C8orf34: variants seen among roughly 807,000 people sequenced by gnomAD.
C8orf34 encodes uncharacterized protein C8orf34.
C8orf34 carries 65 observed loss-of-function variants against 68.3 expected under a neutral mutation model. The ratio of observed to expected loss-of-function variants is 0.95; its 90% CI spans 0.78 to 1.17. The LOEUF (loss-of-function observed/expected upper bound fraction) is 1.17. Ranked by LOEUF, C8orf34 falls within the 50% of genes most tolerant of loss-of-function variation. The pLI is 0.00. For missense variants in C8orf34, 664 were observed against 655.4 expected, an observed-to-expected ratio of 1.01 and a Z score of -0.14; for synonymous variants, 244 against 241.2, an observed-to-expected ratio of 1.01 and a Z score of -0.11.
In C8orf34 at chr8:68,469,042, A is replaced by G. The variant is rs552793001; in HGVS notation, c.736+222A>G. On this transcript the variant is annotated intron_variant, in intron 4 of 13. Transcript: ENST00000518698. ...AGTAGAAAGAGCTGTAGAACCCCTCATAGCTGTTTGGCTCCAACACTTGTA... is the reference window on the plus strand; with the variant it reads ...AGTAGAAAGAGCTGTAGAACCCCTCGTAGCTGTTTGGCTCCAACACTTGTA... 3.3e-5 allele frequency among the ~76,000 whole-genome samples: 5 copies of G among 152,130 alleles called. No homozygotes were observed. In the East Asian group the frequency reaches 9.7e-4, roughly 29 times the overall value.
chr8:68,642,914 A>G (rs1260057640), intron 8 of C8orf34, among the ~76,000 whole-genome samples: 1 of 152,198 alleles, frequency 6.6e-6, no homozygotes, highest in African/African-American at 2.4e-5. Context: ...AGATCCCTTC[A>G]TGCATGGCTC....
At chr8:68,732,857 G>C (rs1374572142) in intron 10 of C8orf34, among the ~76,000 whole-genome samples, 4 of 152,226 alleles carry the variant, frequency 2.6e-5, no homozygotes, top group Admixed American at 2.6e-4. Flanking sequence ...GAGGTCAGGA[G>C]TTTGCGATCA....
At chr8:68,469,431 C>T (rs116536227) in intron 4 of C8orf34, among the ~76,000 whole-genome samples, 2,579 of 152,010 alleles carry the variant, frequency 0.017, 87 homozygotes, top group African/African-American at 0.058. Flanking sequence ...ATGATTATGC[C>T]GCCTTCCTCT....
At chr8:68,485,560 A>C (rs1343881558) in intron 4 of C8orf34, among the ~76,000 whole-genome samples, 1 of 151,784 alleles carries the variant, frequency 6.6e-6, no homozygotes, top group Non-Finnish European at 1.5e-5. Context: ...AAAAATACAA[A>C]AATTAGCTGG....
chr8:68,489,518 A>G (rs1020351076), intron 5 of C8orf34, among the ~76,000 whole-genome samples: 6 of 152,198 alleles, frequency 3.9e-5, no homozygotes, highest in Non-Finnish European at 8.8e-5. Flanking sequence ...TTTCATATAC[A>G]TTTTATACAC....
At chr8:68,490,100 C>T (rs1161808049) in intron 5 of C8orf34, among the ~76,000 whole-genome samples, 3 of 152,168 alleles carry the variant, frequency 2.0e-5, no homozygotes, top group Non-Finnish European at 4.4e-5. Context: ...TGTCTCACCC[C>T]AGCTGGTCTC....
In C8orf34 at chr8:68,468,699, G is replaced by T. The variant is rs745725860; in HGVS notation, c.615G>T (p.Arg205Ser). Residue 205 changes from arginine (R) to serine (S), a missense_variant, in exon 4 of 14, where the codon AGG becomes AGT. Transcript: ENST00000518698. The stretch of plus-strand genomic sequence containing the variant: ...CATTTTTTTTAAACATAGTGCCAAG[G>T]TCAGTAGAGCATCCAAAGTGGAACT... ...PPSPDSKSLP[R>S]SVEHPKWNWR... The T allele has an allele frequency of 1.2e-6, 2 of 1,612,156 alleles. No individual in the cohort carries two copies. The highest frequency in any genetic ancestry group is 1.7e-6 in the Non-Finnish European group (2 of 1,178,986).
chr8:68,436,797 C>A (rs1810687069), intron 1 of C8orf34, among the ~76,000 whole-genome samples: 1 of 152,202 alleles, frequency 6.6e-6, no homozygotes, highest in African/African-American at 2.4e-5. Flanking sequence ...TTGATTCTCA[C>A]CTTTCCAAAT....
intron 1 of C8orf34, among the ~76,000 whole-genome samples, chr8:68,429,151 C>T (rs1038687863): frequency 6.6e-6 from 1 of 152,042 alleles, no homozygotes; most frequent in East Asian, 1.9e-4. Flanking sequence ...AAAAGGCAAT[C>T]CCCCCATACA....
At chr8:68,592,596 C>CTTTTTTT (rs869214252) in intron 7 of C8orf34, among the ~76,000 whole-genome samples, 21 of 26,516 alleles carry the variant, frequency 7.9e-4, no homozygotes, top group African/African-American at 1.3e-3. Flanking sequence ...TTTATCTCTT[C>CTTTTTTT]TTTTTTTTTT....
chr8:68,395,400 C>A (rs1265679761), intron 1 of C8orf34, among the ~76,000 whole-genome samples: 1 of 150,978 alleles, frequency 6.6e-6, no homozygotes, highest in Non-Finnish European at 1.5e-5. Flanking sequence ...CACACACAAA[C>A]ACACACACAT....
At chr8:68,610,865 T>TTGTTTTTG (rs1554584904) in intron 7 of C8orf34, among the ~76,000 whole-genome samples, 1 of 129,084 alleles carries the variant, frequency 7.7e-6, no homozygotes, top group African/African-American at 3.4e-5. Flanking sequence ...TCTTTGGTTT[T>TTGTTTTTG]TTTTTTTTTT....
At chr8:68,527,555 G>A (rs973301757) in intron 6 of C8orf34, among the ~76,000 whole-genome samples, 1 of 152,172 alleles carries the variant, frequency 6.6e-6, no homozygotes, top group Non-Finnish European at 1.5e-5. Context: ...CTGGGTGACA[G>A]AGCAAGACTC....
chr8:68,682,135 G>A (rs1403449001), intron 8 of C8orf34, among the ~76,000 whole-genome samples: 1 of 152,092 alleles, frequency 6.6e-6, no homozygotes, highest in Non-Finnish European at 1.5e-5. Context: ...GCTGTAGTCT[G>A]TAGTACTGTA....
intron 1 of C8orf34, among the ~76,000 whole-genome samples, chr8:68,408,484 A>G (rs1250507308): frequency 6.6e-6 from 1 of 152,034 alleles, no homozygotes; most frequent in Non-Finnish European, 1.5e-5. Flanking sequence ...GCCACTGAGG[A>G]TCCCAATTTT....
chr8:68,375,841 G>A (rs1038976208), intron 1 of C8orf34, among the ~76,000 whole-genome samples: 22 of 152,162 alleles, frequency 1.4e-4, no homozygotes, highest in African/African-American at 4.8e-4. Context: ...ACTTGAAGAC[G>A]TAGATGCATA....
chr8:68,744,994 G>T (rs1822437693), intron 10 of C8orf34, among the ~76,000 whole-genome samples: 1 of 152,062 alleles, frequency 6.6e-6, no homozygotes, highest in South Asian at 2.1e-4. Context: ...GAAAGGTCGG[G>T]TTACCCTGAA....
intron 8 of C8orf34, among the ~76,000 whole-genome samples, chr8:68,671,706 T>A (rs1274215798): frequency 6.6e-6 from 1 of 152,212 alleles, no homozygotes; most frequent in African/African-American, 2.4e-5. Context: ...AATTTATAAT[T>A]TAAAGTTTTA....
chr8:68,521,029 C>A (rs537912759), intron 5 of C8orf34, among the ~76,000 whole-genome samples: 6 of 152,250 alleles, frequency 3.9e-5, no homozygotes, highest in Admixed American at 6.5e-5. Flanking sequence ...TCAAGCAGTT[C>A]TTTGCCTGTA....
Sources: gnomAD v4.1 joint callset for allele counts (sites outside exome capture counted in the v4.1 genomes callset) on GRCh38, gnomAD v4.1.1 for gene constraint, MANE v1.5 for transcripts, NCBI Gene and HGNC (gene_info 2026-07-23, HGNC 2026-07-21) for gene names.